FMN1: variants seen among roughly 807,000 people sequenced by gnomAD.
The protein encoded by FMN1 is formin 1.
FMN1 carries 110 observed loss-of-function variants against 132.4 expected under a neutral mutation model. The observed-to-expected ratio is 0.83, with a 90% CI of 0.71 to 0.97. The LOEUF (loss-of-function observed/expected upper bound fraction) is 0.97. FMN1 is among the 50% of genes least tolerant of loss of function. The probability of loss-of-function intolerance (pLI) is 0.00; values close to 1 mark genes in which losing one functional copy is unlikely to be tolerated. For synonymous variants in FMN1, 722 were observed against 651.7 expected, an observed-to-expected ratio of 1.11 and a Z score of -1.64; for missense variants, 1,792 against 1,705.3, an observed-to-expected ratio of 1.05 and a Z score of -0.90.
intron 4 of FMN1, among the ~76,000 whole-genome samples, chr15:33,134,546 A>AG (rs1482441844): frequency 2.0e-5 from 3 of 152,206 alleles, no homozygotes; most frequent in Non-Finnish European, 4.4e-5. Flanking sequence ...GCTAGACATT[A>AG]GGGGAAACAG....
chr15:33,030,662 G>A (rs992990964), intron 6 of FMN1, among the ~76,000 whole-genome samples: 4 of 152,142 alleles, frequency 2.6e-5, no homozygotes, highest in Non-Finnish European at 5.9e-5. Context: ...CTGATTCTAA[G>A]ATGCATCAGT....
At chr15:32,906,235 C>T (rs1224509067) in intron 12 of FMN1, among the ~76,000 whole-genome samples, 3 of 152,136 alleles carry the variant, frequency 2.0e-5, no homozygotes, top group Non-Finnish European at 4.4e-5. Context: ...TGGCAAATTG[C>T]AGCCCACAGG....
intron 9 of FMN1, among the ~76,000 whole-genome samples, chr15:32,955,253 C>T (rs757899938): frequency 6.6e-6 from 1 of 152,114 alleles, no homozygotes; most frequent in Non-Finnish European, 1.5e-5. Context: ...CAAATAAATC[C>T]AAGGTCATTG....
At position 33,140,306 on chromosome 15, in the gene FMN1, G is replaced by C. The variant is rs144631883; in HGVS notation, c.1867+12742C>G. Among the ~76,000 whole-genome samples the C allele has an allele frequency of 4.2e-3, 644 of 151,906 alleles. 4 individuals are homozygous for C. The highest frequency in any genetic ancestry group is 0.014 in the African/African-American group (589 of 41,370). On this transcript the variant is annotated intron_variant, in intron 4 of 20. Transcript: ENST00000616417. Reference sequence around the variant, plus strand: ...CATTCAACCATATGCTGCACTGCAGGTGATGAACAATTAAGAACTCTTCAA... The same window carrying C: ...CATTCAACCATATGCTGCACTGCAGCTGATGAACAATTAAGAACTCTTCAA...
At chr15:33,029,842 T>C (rs1391285262) in intron 6 of FMN1, among the ~76,000 whole-genome samples, 2 of 152,110 alleles carry the variant, frequency 1.3e-5, no homozygotes, top group Non-Finnish European at 2.9e-5. Flanking sequence ...AGTTGGTAGG[T>C]AGAAACAGGA....
intron 6 of FMN1, among the ~76,000 whole-genome samples, chr15:33,050,946 G>A (rs2036939203): frequency 6.6e-6 from 1 of 152,198 alleles, no homozygotes; most frequent in African/African-American, 2.4e-5. Context: ...GTAAAAAGCA[G>A]CTCATCTTAG....
chr15:32,838,295 G>C (rs961535525), intron 17 of FMN1, among the ~76,000 whole-genome samples: 6 of 152,144 alleles, frequency 3.9e-5, no homozygotes, highest in Admixed American at 2.0e-4. Context: ...AAAAATCGGA[G>C]AGGTGAGGCC....
At chr15:33,026,126 CACACACAG>C (rs1228942530) in intron 6 of FMN1, among the ~76,000 whole-genome samples, 3 of 115,660 alleles carry the variant, frequency 2.6e-5, no homozygotes, top group Non-Finnish European at 5.9e-5. Flanking sequence ...CACACACACA[CACACACAG>C]AGGTTGATTG....
intron 7 of FMN1, among the ~76,000 whole-genome samples, chr15:32,974,508 G>C (rs1259485642): frequency 1.3e-5 from 2 of 151,934 alleles, no homozygotes; most frequent in Non-Finnish European, 2.9e-5. Context: ...TTTTTTCCTA[G>C]TGGCACAATT....
At chr15:32,964,046 C>CACACACAT (rs751653642) in intron 9 of FMN1, 61 bp downstream of exon 9, 5 of 1,239,598 alleles carry the variant, frequency 4.0e-6, no homozygotes, top group Non-Finnish European at 4.6e-6. Flanking sequence ...CACACACACA[C>CACACACAT]ACATATATAC....
Position 33,065,032 on chromosome 15 carries a change from T to G in FMN1, c.2086A>C (p.Arg696=), listed in dbSNP as rs1341130943. The change falls in exon 6 of 21, where the codon AGA becomes CGA. Residue 696 remains arginine (R), a synonymous_variant. Coordinates refer to ENST00000616417, the MANE Select transcript of FMN1 (RefSeq NM_001277313.2). ...LTEQDDRTPG[R]LQAVWPPPKT... ...GGGGGTGGCCAGACAGCTTGAAGTCTGCCAGGAGTCCTGTCATCCTGCTCA... is the reference window on the plus strand; with the variant it reads ...GGGGGTGGCCAGACAGCTTGAAGTCGGCCAGGAGTCCTGTCATCCTGCTCA... The G allele has an allele frequency of 6.2e-7, 1 of 1,611,820 alleles. No individual in the cohort carries two copies. The highest frequency in any genetic ancestry group is 2.2e-5 in the East Asian group (1 of 44,788).
At chr15:32,778,806 G>T (rs1412656381) in intron 19 of FMN1, among the ~76,000 whole-genome samples, 1 of 152,018 alleles carries the variant, frequency 6.6e-6, no homozygotes, top group Non-Finnish European at 1.5e-5. Flanking sequence ...CTACTGCTAG[G>T]TACATAAATA....
At chr15:33,123,190 T>C (rs1460725514) in intron 4 of FMN1, among the ~76,000 whole-genome samples, 1 of 151,764 alleles carries the variant, frequency 6.6e-6, no homozygotes, top group Non-Finnish European at 1.5e-5. Flanking sequence ...CCAGGCCCAA[T>C]TCAAGTCCCC....
At chr15:32,806,712 C>T (rs752610310) in intron 17 of FMN1, among the ~76,000 whole-genome samples, 1 of 152,222 alleles carries the variant, frequency 6.6e-6, no homozygotes, top group Non-Finnish European at 1.5e-5. Context: ...TGAGCGTGCA[C>T]ATTGGAGGAT....
At chr15:33,096,446 A>G (rs1014394544) in intron 4 of FMN1, among the ~76,000 whole-genome samples, 1 of 152,180 alleles carries the variant, frequency 6.6e-6, no homozygotes, top group Non-Finnish European at 1.5e-5. Context: ...AATGGCCTCT[A>G]TAACACATCC....
At chr15:32,909,745 T>C (rs1197239989) in intron 11 of FMN1, among the ~76,000 whole-genome samples, 1 of 152,178 alleles carries the variant, frequency 6.6e-6, no homozygotes, top group Non-Finnish European at 1.5e-5. Context: ...CTCTCCTGTG[T>C]TGTCTTCTCA....
At chr15:33,006,598 T>A (rs1017392567) in intron 7 of FMN1, among the ~76,000 whole-genome samples, 1 of 152,192 alleles carries the variant, frequency 6.6e-6, no homozygotes, top group Non-Finnish European at 1.5e-5. Flanking sequence ...TCATGTTGAC[T>A]GCAGCGTTAT....
chr15:32,843,963 T>C (rs2058801212), intron 17 of FMN1, among the ~76,000 whole-genome samples: 1 of 152,188 alleles, frequency 6.6e-6, no homozygotes, highest in South Asian at 2.1e-4. Flanking sequence ...ACATTTTTAA[T>C]TTTCACTGAA....
Position 33,153,160 on chromosome 15 carries a change from G to C in FMN1, c.1755C>G (p.Ala585=). The C allele has an allele frequency of 2.0e-6, 3 of 1,536,148 alleles. No individual in the cohort carries two copies. The highest frequency in any genetic ancestry group is 2.6e-6 in the Non-Finnish European group (3 of 1,146,926). ...SSAKVTETKG[A]SPAFLRAGQP... is the part of the protein sequence containing the mutation. ...GGCCTGCTCTGAGGAAGGCCGGGCT[G>C]GCTCCTTTGGTCTCCGTGACCTTTG... The change falls in exon 4 of 21, where the codon GCC becomes GCG. Residue 585 remains alanine (A), a synonymous_variant. Coordinates refer to ENST00000616417, the MANE Select transcript of FMN1 (RefSeq NM_001277313.2).
Sources: gnomAD v4.1 joint callset for allele counts (sites outside exome capture counted in the v4.1 genomes callset) on GRCh38, gnomAD v4.1.1 for gene constraint, MANE v1.5 for transcripts, NCBI Gene and HGNC (gene_info 2026-07-23, HGNC 2026-07-21) for gene names.